Variants in PTPRD observed in about 807,000 individuals in gnomAD.
The protein encoded by PTPRD is receptor-type tyrosine-protein phosphatase delta.
A neutral mutation model predicts 214.5 loss-of-function variants in PTPRD; 34 were observed. The observed-to-expected ratio is 0.16, with a 90% confidence interval of 0.12 to 0.21. The LOEUF (loss-of-function observed/expected upper bound fraction) is 0.21. Among genes scored for constraint, PTPRD ranks in the 10% least tolerant of loss-of-function variants. The probability of loss-of-function intolerance (pLI) is 1.00; values close to 1 mark genes in which losing one functional copy is unlikely to be tolerated. For missense variants in PTPRD, 2,545 were observed against 2,398.7 expected, an observed-to-expected ratio of 1.06 and a Z score of -1.27; for synonymous variants, 1,128 against 845.7, an observed-to-expected ratio of 1.33 and a Z score of -5.79.
chr9:8,976,419 T>C (rs556308811), intron 11 of PTPRD, among the ~76,000 whole-genome samples: 1 of 152,188 alleles, frequency 6.6e-6, no homozygotes, highest in East Asian at 1.9e-4. Context: ...CTGTGCCAAG[T>C]TAATAAGCAA....
intron 11 of PTPRD, among the ~76,000 whole-genome samples, chr9:8,852,208 G>C (rs1286878464): frequency 6.6e-6 from 1 of 152,042 alleles, no homozygotes; most frequent in Non-Finnish European, 1.5e-5. Context: ...AATTTAGTTA[G>C]CTACTGCTAC....
intron 5 of PTPRD, among the ~76,000 whole-genome samples, chr9:9,864,774 A>G (rs575231883): frequency 2.2e-4 from 34 of 152,272 alleles, no homozygotes; most frequent in African/African-American, 7.9e-4. Context: ...TTTGCCTCCC[A>G]GAGCACTAGG....
At chr9:8,859,604 G>C (rs539869696) in intron 11 of PTPRD, among the ~76,000 whole-genome samples, 3 of 152,236 alleles carry the variant, frequency 2.0e-5, no homozygotes, top group South Asian at 4.1e-4. Context: ...AAGGTAAACA[G>C]ACACCCTTAG....
intron 9 of PTPRD, among the ~76,000 whole-genome samples, chr9:9,251,944 C>A (rs2099975637): frequency 6.6e-6 from 1 of 152,110 alleles, no homozygotes; most frequent in African/African-American, 2.4e-5. Flanking sequence ...AGAGTGCCTT[C>A]ACCAAAAACT....
chr9:10,461,609 T>C (rs1456199644), intron 2 of PTPRD, among the ~76,000 whole-genome samples: 1 of 151,680 alleles, frequency 6.6e-6, no homozygotes, highest in Non-Finnish European at 1.5e-5. Context: ...ATGATCTTCC[T>C]TGCATGACAT....
intron 5 of PTPRD, among the ~76,000 whole-genome samples, chr9:9,917,661 T>C (rs963628633): frequency 1.5e-4 from 23 of 151,922 alleles, no homozygotes; most frequent in African/African-American, 5.3e-4. Flanking sequence ...TGCAAGCCAA[T>C]AGCCTGATGA....
chr9:9,461,586 A>T (rs2093659092), intron 8 of PTPRD, among the ~76,000 whole-genome samples: 1 of 152,108 alleles, frequency 6.6e-6, no homozygotes, highest in African/African-American at 2.4e-5. Flanking sequence ...ACCATCTGAA[A>T]ATGTGGCAAG....
chr9:10,332,663 C>T (rs1783440087), intron 3 of PTPRD, among the ~76,000 whole-genome samples: 1 of 151,670 alleles, frequency 6.6e-6, no homozygotes, highest in Non-Finnish European at 1.5e-5. Context: ...CTAATACTAA[C>T]CTCACTTTAT....
At chr9:10,387,647 T>C (rs559968319) in intron 2 of PTPRD, among the ~76,000 whole-genome samples, 1 of 151,760 alleles carries the variant, frequency 6.6e-6, no homozygotes, top group Non-Finnish European at 1.5e-5. Flanking sequence ...CCATACTTTG[T>C]GTCATTGTAC....
At chr9:8,873,512 C>T (rs1395048957) in intron 11 of PTPRD, among the ~76,000 whole-genome samples, 3 of 151,922 alleles carry the variant, frequency 2.0e-5, no homozygotes, top group Non-Finnish European at 2.9e-5. Flanking sequence ...TATGTGTTAA[C>T]TTTATTTTTT....
chr9:9,857,017 G>T (rs145885436), intron 5 of PTPRD, among the ~76,000 whole-genome samples: 4 of 152,284 alleles, frequency 2.6e-5, no homozygotes, highest in African/African-American at 9.6e-5. Context: ...AAGATCAGCT[G>T]TGAGCCTTGG....
intron 5 of PTPRD, among the ~76,000 whole-genome samples, chr9:9,856,620 A>AG (rs1339343899): frequency 6.8e-6 from 1 of 147,540 alleles, no homozygotes; most frequent in East Asian, 2.4e-4. Context: ...ATTGTTAAAA[A>AG]AAAAGAAGAA....
chr9:10,463,779 G>C (rs921138030), intron 2 of PTPRD, among the ~76,000 whole-genome samples: 4 of 152,098 alleles, frequency 2.6e-5, no homozygotes, highest in Admixed American at 6.5e-5. Flanking sequence ...AAGAAAAAAA[G>C]AGGTGTGATC....
chr9:10,284,354 TA>T (rs2095266655), intron 3 of PTPRD, among the ~76,000 whole-genome samples: 1 of 152,182 alleles, frequency 6.6e-6, no homozygotes, highest in African/African-American at 2.4e-5. Context: ...CAAACTACTA[TA>T]AAAGTTTGTT....
intron 22 of PTPRD, among the ~76,000 whole-genome samples, chr9:8,505,746 C>T (rs1308191284): frequency 6.6e-6 from 1 of 151,892 alleles, no homozygotes; most frequent in Non-Finnish European, 1.5e-5. Flanking sequence ...TTTAGATCCA[C>T]CAAGTAAGAA....
chr9:8,822,126 T>C (rs1172329687), intron 11 of PTPRD, among the ~76,000 whole-genome samples: 1 of 152,240 alleles, frequency 6.6e-6, no homozygotes, highest in African/African-American at 2.4e-5. Context: ...AGTAAGCATT[T>C]TTCAGTCTCC....
chr9:9,315,657 C>A (rs1314479042), intron 9 of PTPRD, among the ~76,000 whole-genome samples: 2 of 151,522 alleles, frequency 1.3e-5, no homozygotes, highest in Non-Finnish European at 2.9e-5. Context: ...ACTTTCATCT[C>A]ATAATAATCA....
At chr9:8,804,938 C>G (rs1401301263) in intron 11 of PTPRD, among the ~76,000 whole-genome samples, 1 of 152,074 alleles carries the variant, frequency 6.6e-6, no homozygotes, top group South Asian at 2.1e-4. Flanking sequence ...AAAGAGAATC[C>G]TGGTGAATAT....
chr9:10,135,483 G>C (rs2098935881), intron 3 of PTPRD, among the ~76,000 whole-genome samples: 4 of 152,006 alleles, frequency 2.6e-5, no homozygotes, highest in Admixed American at 2.0e-4. Context: ...CTAAAAAGAA[G>C]TGTCAGATCA....
Sources: gnomAD v4.1 joint callset for allele counts (sites outside exome capture counted in the v4.1 genomes callset) on GRCh38, gnomAD v4.1.1 for gene constraint, MANE v1.5 for transcripts, NCBI Gene and HGNC (gene_info 2026-07-23, HGNC 2026-07-21) for gene names.